Variants in WWC2 observed in about 807,000 individuals in gnomAD.
The protein encoded by WWC2 is WW and C2 domain containing 2, also known as protein WWC2.
In WWC2, 101 loss-of-function variants were observed where a neutral mutation model predicts 138.5. That is an observed-to-expected ratio of 0.73 (90% CI 0.62 to 0.86). The LOEUF is 0.86. Ranked by LOEUF, WWC2 falls within the 40% of genes least tolerant of loss-of-function variation. The pLI, the probability that WWC2 is intolerant of heterozygous loss-of-function variation, is 0.00. For synonymous variants in WWC2, 558 were observed against 538.4 expected, an observed-to-expected ratio of 1.04 and a Z score of -0.50; for missense variants, 1,420 against 1,419.4, an observed-to-expected ratio of 1.00 and a Z score of -0.01.
rs971337813 is a variant in WWC2, at chr4:183,118,603, A to G, written c.131+18981A>G. Among the ~76,000 whole-genome samples the G allele has an allele frequency of 2.4e-4, 36 of 152,360 alleles. 1 individual carries two copies. The highest frequency in any genetic ancestry group is 8.2e-4 in the African/African-American group (34 of 41,584). On this transcript the variant is annotated intron_variant, in intron 1 of 22. Coordinates refer to ENST00000403733, the MANE Select transcript of WWC2 (RefSeq NM_024949.6). ...TTTTTTAGAAAATGTGGACAAATAC[A>G]TGAATCTTAACAGATTTTTAAAAAG...
chr4:183,291,106 G>C (rs1030089815), intron 21 of WWC2, among the ~76,000 whole-genome samples: 3 of 152,242 alleles, frequency 2.0e-5, no homozygotes, highest in African/African-American at 7.2e-5. Flanking sequence ...TGCCACAGCA[G>C]TGAATACAGG....
chr4:183,148,945 TC>T (rs1430411701), intron 1 of WWC2, among the ~76,000 whole-genome samples: 1 of 152,154 alleles, frequency 6.6e-6, no homozygotes, highest in African/African-American at 2.4e-5. Flanking sequence ...TTTTTTTTTT[TC>T]GTAATTGGAG....
intron 21 of WWC2, among the ~76,000 whole-genome samples, chr4:183,294,274 A>C (rs1279817297): frequency 6.6e-6 from 1 of 152,184 alleles, no homozygotes; most frequent in Middle Eastern, 3.2e-3. Flanking sequence ...TTCCAAGCAG[A>C]ATACCCACAT....
chr4:183,282,971 G>C, intron 18 of WWC2, 65 bp downstream of exon 18: 1 of 1,426,484 alleles, frequency 7.0e-7, no homozygotes, highest in Non-Finnish European at 9.3e-7. Context: ...CTAGGGAGAT[G>C]CTTGTTTGTC....
intron 4 of WWC2, among the ~76,000 whole-genome samples, chr4:183,212,293 T>C (rs1735620751): frequency 6.6e-6 from 1 of 152,214 alleles, no homozygotes; most frequent in Non-Finnish European, 1.5e-5. Flanking sequence ...TCTTTATTTA[T>C]GAAGTCATCA....
chr4:183,307,678 A>G (rs1295927281), intron 21 of WWC2, among the ~76,000 whole-genome samples: 3 of 152,224 alleles, frequency 2.0e-5, no homozygotes, highest in Admixed American at 1.3e-4. Flanking sequence ...ACACCTGCTC[A>G]TGCTAAAAAT....
At chr4:183,138,868 A>G (rs1733204934) in intron 1 of WWC2, among the ~76,000 whole-genome samples, 1 of 152,176 alleles carries the variant, frequency 6.6e-6, no homozygotes, top group Non-Finnish European at 1.5e-5. Flanking sequence ...GTGGCTGGAA[A>G]TACGTATGTA....
chr4:183,101,927 T>C (rs1743194160), intron 1 of WWC2, among the ~76,000 whole-genome samples: 2 of 152,218 alleles, frequency 1.3e-5, no homozygotes, highest in Admixed American at 1.3e-4. Context: ...AAAAGAATTT[T>C]GTGTTTTTGA....
At chr4:183,219,015 CAT>C (rs1735845708) in intron 4 of WWC2, among the ~76,000 whole-genome samples, 1 of 152,082 alleles carries the variant, frequency 6.6e-6, no homozygotes, top group South Asian at 2.1e-4. Flanking sequence ...AGCTTTAAAA[CAT>C]AATGAAATTC....
In WWC2 at chr4:183,283,251, T is replaced by A. The variant is rs190839909; in HGVS notation, c.2883+345T>A. ...TGTCAAGTTCCGTATATGTAGTAAGTTTTATTTCCATTTCAAACATGAAGT... is the reference window on the plus strand; with the variant it reads ...TGTCAAGTTCCGTATATGTAGTAAGATTTATTTCCATTTCAAACATGAAGT... On this transcript the variant is annotated intron_variant, in intron 18 of 22. Transcript: ENST00000403733. 8.9e-3 allele frequency among the ~76,000 whole-genome samples: 1,363 copies of A among 152,332 alleles called. 18 individuals carry two copies. Among genetic ancestry groups the A allele is most frequent in the African/African-American group, 0.031 (1,300 of 41,568 alleles).
intron 16 of WWC2, among the ~76,000 whole-genome samples, chr4:183,277,645 G>GT (rs1300446929): frequency 2.1e-5 from 3 of 142,088 alleles, no homozygotes; most frequent in African/African-American, 7.8e-5. Flanking sequence ...AGCACCTGTT[G>GT]TTTCCTGACT....
intron 1 of WWC2, among the ~76,000 whole-genome samples, chr4:183,146,818 G>A (rs1340496238): frequency 1.3e-5 from 2 of 152,222 alleles, no homozygotes; most frequent in Admixed American, 6.5e-5. Flanking sequence ...AATCTGCACA[G>A]CTGGGCAGTT....
At chr4:183,259,788 C>T in intron 10 of WWC2, 60 bp downstream of exon 10, 1 of 1,141,514 alleles carries the variant, frequency 8.8e-7, no homozygotes, top group Admixed American at 2.4e-5. Context: ...TCTTGTTCAT[C>T]TTTGATTACT....
chr4:183,313,521 A>T (rs976555433), intron 22 of WWC2, among the ~76,000 whole-genome samples: 3 of 152,132 alleles, frequency 2.0e-5, no homozygotes, highest in African/African-American at 7.2e-5. Context: ...ATGGCACACC[A>T]GGCAATGCCA....
intron 17 of WWC2, among the ~76,000 whole-genome samples, chr4:183,282,441 A>G (rs1560885184): frequency 6.6e-6 from 1 of 152,206 alleles, no homozygotes; most frequent in Non-Finnish European, 1.5e-5. Context: ...TTTTCAGAAT[A>G]TGTCTATTTT....
At chr4:183,113,173 G>A (rs1438648182) in intron 1 of WWC2, among the ~76,000 whole-genome samples, 1 of 151,882 alleles carries the variant, frequency 6.6e-6, no homozygotes, top group Non-Finnish European at 1.5e-5. Context: ...TTGAGAGGTT[G>A]AGGCAGCAGA....
intron 6 of WWC2, among the ~76,000 whole-genome samples, chr4:183,247,523 TA>T (rs1736816463): frequency 1.4e-5 from 2 of 139,618 alleles, no homozygotes; most frequent in African/African-American, 2.8e-5. Context: ...CACTATACTA[TA>T]TATATACTAT....
intron 15 of WWC2, 134 bp from the exon 16 acceptor site, chr4:183,270,946 T>A (rs2111381612): frequency 1.3e-6 from 1 of 776,144 alleles, no homozygotes; most frequent in Middle Eastern, 4.1e-4. Flanking sequence ...ATGCTTTATG[T>A]CAGGAGAATT....
intron 5 of WWC2, among the ~76,000 whole-genome samples, chr4:183,243,757 G>A (rs899496918): frequency 6.8e-6 from 1 of 146,312 alleles, no homozygotes; most frequent in African/African-American, 2.6e-5. Context: ...GTGTGTGTGT[G>A]TGTGTGTGTG....
Sources: gnomAD v4.1 joint callset for allele counts (sites outside exome capture counted in the v4.1 genomes callset) on GRCh38, gnomAD v4.1.1 for gene constraint, MANE v1.5 for transcripts, NCBI Gene and HGNC (gene_info 2026-07-23, HGNC 2026-07-21) for gene names.